ABCC1: variants seen among roughly 807,000 people sequenced by gnomAD.
The protein encoded by ABCC1 is ATP binding cassette subfamily C member 1 (ABCC1 blood group).
In ABCC1, 83 loss-of-function variants were observed where a neutral mutation model predicts 172.9. The ratio of observed to expected loss-of-function variants is 0.48; its 90% confidence interval spans 0.40 to 0.58. The LOEUF is 0.58. Among genes scored for constraint, ABCC1 ranks in the 20% least tolerant of loss-of-function variants. The probability of loss-of-function intolerance (pLI) is 0.00; values close to 1 mark genes in which losing one functional copy is unlikely to be tolerated. For missense variants in ABCC1, 1,817 were observed against 2,002.7 expected, an observed-to-expected ratio of 0.91 and a Z score of 1.77; for synonymous variants, 937 against 825.2, an observed-to-expected ratio of 1.14 and a Z score of -2.32.
chr16:15,992,074 A>G (rs1326368710), intron 1 of ABCC1, among the ~76,000 whole-genome samples: 1 of 152,058 alleles, frequency 6.6e-6, no homozygotes, highest in Non-Finnish European at 1.5e-5. Flanking sequence ...CACCTGTGGC[A>G]TTAGATTCTC....
In ABCC1 at chr16:16,138,466, C is replaced by CG; in HGVS notation, c.4396dup (p.Asp1466GlyfsTer104). ...CGGCAGCCGTGGACCTGGAAACGGA[C>CG]GACCTCATCCAGTCCACCATCCGGA... On this transcript the variant is annotated frameshift_variant, in exon 30 of 31. Transcript: ENST00000399410. LOFTEE classifies it high-confidence loss of function. The CG allele has an allele frequency of 1.2e-6, 2 of 1,613,312 alleles. No individual in the cohort carries two copies. Among genetic ancestry groups the CG allele is most frequent in the Non-Finnish European group, 1.7e-6 (2 of 1,179,484 alleles).
At chr16:16,104,164 A>G (rs2051941163) in intron 20 of ABCC1, among the ~76,000 whole-genome samples, 1 of 152,184 alleles carries the variant, frequency 6.6e-6, no homozygotes, top group Non-Finnish European at 1.5e-5. Context: ...ACTGAGCAGC[A>G]GAAAGATTTA....
intron 7 of ABCC1, among the ~76,000 whole-genome samples, chr16:16,038,615 G>T (rs2048847154): frequency 1.3e-5 from 2 of 152,136 alleles, no homozygotes; most frequent in Admixed American, 6.6e-5. Flanking sequence ...AGTCTCGTCT[G>T]GAAACATCCT....
At chr16:16,028,201 G>A (rs1050111804) in intron 5 of ABCC1, among the ~76,000 whole-genome samples, 1 of 152,030 alleles carries the variant, frequency 6.6e-6, no homozygotes, top group South Asian at 2.1e-4. Flanking sequence ...GGGTGATATC[G>A]GGCCTCAAAT....
chr16:16,066,925 G>C (rs1020737781), intron 12 of ABCC1, among the ~76,000 whole-genome samples: 5 of 151,854 alleles, frequency 3.3e-5, no homozygotes, highest in Non-Finnish European at 7.4e-5. Context: ...AGTATCTTTA[G>C]GTAAGATGCC....
chr16:16,109,540 G>A lies in ABCC1; in HGVS notation c.2872-1835G>A, dbSNP rs569429492. On this transcript the variant is annotated intron_variant, in intron 21 of 30. Coordinates refer to ENST00000399410, the MANE Select transcript of ABCC1 (RefSeq NM_004996.4). ...TTGAAATGACAATGAGCACAGACAC[G>A]GGTAAAGATCCCTGGAATTTCTTGA... Among the ~76,000 whole-genome samples the A allele has an allele frequency of 3.9e-5, 6 of 152,242 alleles. No homozygotes were observed. The South Asian group carries it at 8.3e-4, about 21-fold the overall frequency.
intron 25 of ABCC1, among the ~76,000 whole-genome samples, chr16:16,125,159 A>C (rs932175819): frequency 2.0e-5 from 3 of 152,222 alleles, no homozygotes; most frequent in Non-Finnish European, 2.9e-5. Context: ...GGATACTTCC[A>C]GGTACGAGGG....
intron 12 of ABCC1, among the ~76,000 whole-genome samples, chr16:16,067,791 GC>G (rs2050167876): frequency 6.6e-6 from 1 of 152,152 alleles, no homozygotes; most frequent in Non-Finnish European, 1.5e-5. Flanking sequence ...GAGTCAGGTG[GC>G]CCCCTGGATG....
intron 19 of ABCC1, among the ~76,000 whole-genome samples, chr16:16,099,912 C>T (rs1596496776): frequency 6.6e-6 from 1 of 152,052 alleles, no homozygotes; most frequent in African/African-American, 2.4e-5. Flanking sequence ...GGTGAAACCC[C>T]GTCTCTACTA....
intron 8 of ABCC1, 53 bp downstream of exon 8, chr16:16,044,733 C>T (rs2049130994): frequency 1.3e-6 from 2 of 1,504,808 alleles, no homozygotes; most frequent in South Asian, 1.1e-5. Context: ...TGGCTTTGAT[C>T]TTTCAGTTGC....
chr16:16,099,591 G>A (rs765090932), intron 19 of ABCC1, among the ~76,000 whole-genome samples: 1 of 152,204 alleles, frequency 6.6e-6, no homozygotes, highest in Non-Finnish European at 1.5e-5. Context: ...TGGGAACTCT[G>A]GGAGACTAGA....
chr16:15,963,515 C>T (rs2046181720), intron 1 of ABCC1, among the ~76,000 whole-genome samples: 1 of 152,220 alleles, frequency 6.6e-6, no homozygotes, highest in African/African-American at 2.4e-5. Flanking sequence ...AAACTTCTGG[C>T]TGGACATCCA....
At chr16:15,987,762 C>G (rs1055406349) in intron 1 of ABCC1, among the ~76,000 whole-genome samples, 2 of 152,236 alleles carry the variant, frequency 1.3e-5, no homozygotes, top group Admixed American at 6.5e-5. Flanking sequence ...CTGACTGTCT[C>G]CTCCCTGCCT....
chr16:16,048,110 C>G (rs1400743339), intron 9 of ABCC1, 32 bp from the exon 10 acceptor site: 2 of 1,612,254 alleles, frequency 1.2e-6, no homozygotes, highest in Admixed American at 1.7e-5. Flanking sequence ...AGCTGCCACA[C>G]TCACCCACCT....
At chr16:15,975,705 C>T (rs45457799) in intron 1 of ABCC1, among the ~76,000 whole-genome samples, 10 of 151,570 alleles carry the variant, frequency 6.6e-5, no homozygotes, top group African/African-American at 1.5e-4. Flanking sequence ...TACAGGCATG[C>T]GCCACCATCT....
chr16:15,966,893 G>A (rs895254747), intron 1 of ABCC1, among the ~76,000 whole-genome samples: 8 of 152,218 alleles, frequency 5.3e-5, no homozygotes, highest in South Asian at 2.1e-4. Flanking sequence ...ATAGCTCACT[G>A]CAGCCTTAAA....
intron 24 of ABCC1, 105 bp downstream of exon 24, chr16:16,122,279 C>T (rs1397412796): frequency 1.0e-5 from 13 of 1,277,514 alleles, no homozygotes; most frequent in Non-Finnish European, 1.4e-5. Flanking sequence ...TAAAGCCAAA[C>T]CCCGGCCTTG....
At chr16:16,056,421 C>G in intron 12 of ABCC1, 126 bp downstream of exon 12, 1 of 1,087,146 alleles carries the variant, frequency 9.2e-7, no homozygotes, top group Non-Finnish European at 1.3e-6. Flanking sequence ...AATCCCAGCA[C>G]TCTGGGAGGC....
intron 11 of ABCC1, 50 bp downstream of exon 11, chr16:16,052,866 C>G: frequency 1.9e-6 from 3 of 1,565,834 alleles, no homozygotes; most frequent in Non-Finnish European, 2.6e-6. Context: ...AGGCAGAGGC[C>G]TCTCCATGAG....
Sources: allele counts gnomAD v4.1 joint callset (sites outside exome capture counted in the v4.1 genomes callset), GRCh38; gene constraint gnomAD v4.1.1; transcripts MANE v1.5; gene names NCBI Gene and HGNC (gene_info 2026-07-23, HGNC 2026-07-21).